The following ARNT2 variants were observed in gnomAD, a reference collection of about 807,000 sequenced individuals.
ARNT2 encodes the protein ARNT protein 2.
Under a neutral mutation model 91.7 loss-of-function variants are expected in ARNT2, and 36 were observed. That is an observed-to-expected ratio of 0.39 (90% CI 0.30 to 0.52). The LOEUF (loss-of-function observed/expected upper bound fraction) is 0.52. ARNT2 is among the 20% of genes least tolerant of loss of function. The pLI, the probability that ARNT2 is intolerant of heterozygous loss-of-function variation, is 0.72. For missense variants in ARNT2, 775 were observed against 939.3 expected, an observed-to-expected ratio of 0.83 and a Z score of 2.29; for synonymous variants, 365 against 347.1, an observed-to-expected ratio of 1.05 and a Z score of -0.57.
chr15:80,524,735 C>T (rs986940767), intron 8 of ARNT2, among the ~76,000 whole-genome samples: 27 of 151,832 alleles, frequency 1.8e-4, no homozygotes, highest in Non-Finnish European at 3.2e-4. Context: ...ATTAGCTGGG[C>T]GTGGTGGCGG....
intron 8 of ARNT2, among the ~76,000 whole-genome samples, chr15:80,536,804 C>T (rs1897832546): frequency 1.3e-5 from 2 of 152,254 alleles, no homozygotes; most frequent in African/African-American, 2.4e-5. Flanking sequence ...GCCTTTGGGG[C>T]ATCTGTCACG....
At chr15:80,411,881 GT>G (rs1895685157) in intron 1 of ARNT2, among the ~76,000 whole-genome samples, 1 of 152,208 alleles carries the variant, frequency 6.6e-6, no homozygotes, top group South Asian at 2.1e-4. Flanking sequence ...TAGGTTCCGT[GT>G]TACAGTCCCA....
rs147877012 is a variant in ARNT2 at position 80,512,215 on chromosome 15, T to C, written c.726-1696T>C. On this transcript the variant is annotated intron_variant, in intron 6 of 18. Coordinates refer to ENST00000303329, the MANE Select transcript of ARNT2 (RefSeq NM_014862.4). ...TCTCCCTCAGATCACCAAGGTTGCCTGTGCTGAGGGGAGACCTGCTTCTCT... is the reference window on the plus strand; with the variant it reads ...TCTCCCTCAGATCACCAAGGTTGCCCGTGCTGAGGGGAGACCTGCTTCTCT... Among the ~76,000 whole-genome samples the C allele has an allele frequency of 3.3e-4, 50 of 152,356 alleles. 3 individuals carry two copies. The East Asian group carries it at 9.4e-3, about 29-fold the overall frequency.
intron 17 of ARNT2, among the ~76,000 whole-genome samples, chr15:80,587,066 C>T (rs1204916391): frequency 3.3e-5 from 5 of 152,164 alleles, no homozygotes; most frequent in Non-Finnish European, 7.3e-5. Context: ...GAATTATAGA[C>T]CTCTCCATCC....
chr15:80,538,416 G>A (rs1458409794), intron 8 of ARNT2, among the ~76,000 whole-genome samples: 1 of 151,966 alleles, frequency 6.6e-6, no homozygotes, highest in East Asian at 1.9e-4. Flanking sequence ...TAATCCCAGT[G>A]CAATAAATCT....
At chr15:80,438,677 A>G (rs1228783356) in intron 1 of ARNT2, among the ~76,000 whole-genome samples, 1 of 152,176 alleles carries the variant, frequency 6.6e-6, no homozygotes. Context: ...AAAAGTAGCA[A>G]GCAAATGTTT....
At chr15:80,426,737 G>A (rs533315560) in intron 1 of ARNT2, among the ~76,000 whole-genome samples, 4 of 152,298 alleles carry the variant, frequency 2.6e-5, no homozygotes, top group African/African-American at 7.2e-5. Flanking sequence ...AGTTGTGTTC[G>A]TCAGCTCAGG....
chr15:80,545,093 T>A (rs1159857916), intron 8 of ARNT2, among the ~76,000 whole-genome samples: 2 of 152,202 alleles, frequency 1.3e-5, no homozygotes, highest in African/African-American at 2.4e-5. Context: ...TGAAACTCCA[T>A]TGCCATGTGG....
At chr15:80,452,329 C>T (rs372918886) in intron 2 of ARNT2, among the ~76,000 whole-genome samples, 4 of 152,282 alleles carry the variant, frequency 2.6e-5, no homozygotes, top group African/African-American at 9.6e-5. Context: ...CTGCCACCAT[C>T]TTTACAGCAG....
chr15:80,515,156 G>T (rs1897412245), intron 8 of ARNT2, among the ~76,000 whole-genome samples: 1 of 152,206 alleles, frequency 6.6e-6, no homozygotes, highest in African/African-American at 2.4e-5. Context: ...CTCATACATT[G>T]CTGGTGGGAA....
At chr15:80,539,200 A>G (rs1312199601) in intron 8 of ARNT2, among the ~76,000 whole-genome samples, 2 of 152,138 alleles carry the variant, frequency 1.3e-5, no homozygotes, top group African/African-American at 4.8e-5. Context: ...CACAACTTTG[A>G]AACAAAAACC....
intron 8 of ARNT2, among the ~76,000 whole-genome samples, chr15:80,535,732 T>TTG (rs1555412377): frequency 7.4e-6 from 1 of 135,672 alleles, no homozygotes; most frequent in East Asian, 2.0e-4. Context: ...ACACAGGTTT[T>TTG]TTTTTTTTTT....
intron 8 of ARNT2, among the ~76,000 whole-genome samples, chr15:80,531,027 T>G (rs1013937302): frequency 1.3e-5 from 2 of 152,246 alleles, no homozygotes; most frequent in African/African-American, 4.8e-5. Flanking sequence ...AGAAGCTTTT[T>G]TTGCCCAAAA....
chr15:80,420,055 T>C (rs1373787055), intron 1 of ARNT2, among the ~76,000 whole-genome samples: 1 of 152,158 alleles, frequency 6.6e-6, no homozygotes, highest in Non-Finnish European at 1.5e-5. Flanking sequence ...CATCCACGTA[T>C]GTCTTTGAGC....
At chr15:80,449,470 A>G (rs1396945808) in intron 1 of ARNT2, among the ~76,000 whole-genome samples, 1 of 152,160 alleles carries the variant, frequency 6.6e-6, no homozygotes, top group Non-Finnish European at 1.5e-5. Flanking sequence ...TCACAAACTC[A>G]GTTGTCTAAA....
At chr15:80,571,612 A>G (rs1170589403) in intron 12 of ARNT2, among the ~76,000 whole-genome samples, 1 of 152,206 alleles carries the variant, frequency 6.6e-6, no homozygotes, top group East Asian at 1.9e-4. Flanking sequence ...CAAAGGAACA[A>G]GAGTGGAAGA....
At chr15:80,478,597 A>C (rs1452591532) in intron 5 of ARNT2, among the ~76,000 whole-genome samples, 1 of 152,080 alleles carries the variant, frequency 6.6e-6, no homozygotes. Context: ...GAGGCTGGAG[A>C]AGTGGGTTCT....
At chr15:80,517,388 T>A (rs536554805) in intron 8 of ARNT2, among the ~76,000 whole-genome samples, 2 of 152,262 alleles carry the variant, frequency 1.3e-5, no homozygotes, top group African/African-American at 4.8e-5. Flanking sequence ...CTCTTTATGT[T>A]TGGTCTCCTT....
chr15:80,490,680 GC>G (rs1378225235), intron 5 of ARNT2, among the ~76,000 whole-genome samples: 1 of 152,220 alleles, frequency 6.6e-6, no homozygotes, highest in East Asian at 1.9e-4. Flanking sequence ...AGCAACTAGG[GC>G]TTGGCCACCA....
Sources: allele counts gnomAD v4.1 joint callset (sites outside exome capture counted in the v4.1 genomes callset), GRCh38; gene constraint gnomAD v4.1.1; transcripts MANE v1.5; gene names NCBI Gene and HGNC (gene_info 2026-07-23, HGNC 2026-07-21).